TYR: variants seen among roughly 807,000 people sequenced by gnomAD.
The protein encoded by TYR is LB24-AB.
A neutral mutation model predicts 51.5 loss-of-function variants in TYR; 58 were observed. That is an observed-to-expected ratio of 1.13 (90% CI 0.91 to 1.40). The LOEUF (loss-of-function observed/expected upper bound fraction) is 1.40, where lower values mean the gene tolerates loss of function less well. Among genes scored for constraint, TYR ranks in the 40% most tolerant of loss-of-function variants. The probability of loss-of-function intolerance (pLI) is 0.00; values close to 1 mark genes in which losing one functional copy is unlikely to be tolerated. For synonymous variants in TYR, 263 were observed against 235.2 expected (o/e 1.12, Z -1.08); for missense variants, 732 against 647.4 (o/e 1.13, Z -1.42).
At position 89,280,295 on chromosome 11, in the gene TYR, A is replaced by G. The variant is rs189523979; in HGVS notation, c.1185-4478A>G. On this transcript the variant is annotated intron_variant, in intron 3 of 4. Coordinates refer to ENST00000263321, the MANE Select transcript of TYR (RefSeq NM_000372.5). ...TCTTCTTCTGGCATTCCAATTATGC[A>G]TATGTTACATTTTTTGGAAATTATC... Among the ~76,000 whole-genome samples the G allele has an allele frequency of 4.3e-3, 646 of 151,680 alleles. 4 individuals are homozygous for G. The highest frequency in any genetic ancestry group is 5.7e-3 in the Admixed American group (86 of 15,188).
chr11:89,268,909 T>C (rs74413656), intron 3 of TYR, among the ~76,000 whole-genome samples: 3,171 of 152,024 alleles, frequency 0.021, 135 homozygotes, highest in African/African-American at 0.073. Flanking sequence ...GTGATACCTT[T>C]CCCATAATTT....
intron 3 of TYR, among the ~76,000 whole-genome samples, chr11:89,270,573 T>G (rs994481344): frequency 1.7e-4 from 26 of 151,900 alleles, no homozygotes; most frequent in African/African-American, 5.6e-4. Context: ...AATGGTACAA[T>G]CTACCAAGAT....
At chr11:89,204,776 A>G (rs1943649831) in intron 2 of TYR, among the ~76,000 whole-genome samples, 1 of 152,090 alleles carries the variant, frequency 6.6e-6, no homozygotes, top group African/African-American at 2.4e-5. Flanking sequence ...CCAGGTTGAA[A>G]ACAGAAAATA....
intron 3 of TYR, among the ~76,000 whole-genome samples, chr11:89,235,649 G>A (rs562443619): frequency 2.0e-4 from 30 of 152,168 alleles, no homozygotes; most frequent in African/African-American, 6.0e-4. Flanking sequence ...AAATAGAATC[G>A]TAGTATCACA....
intron 1 of TYR, among the ~76,000 whole-genome samples, chr11:89,181,808 A>C (rs1464994400): frequency 2.0e-5 from 3 of 152,172 alleles, no homozygotes; most frequent in Non-Finnish European, 4.4e-5. Flanking sequence ...CTCTGACTGC[A>C]GTGCTTTTTA....
chr11:89,247,258 C>T (rs1437548885), intron 3 of TYR, among the ~76,000 whole-genome samples: 3 of 152,102 alleles, frequency 2.0e-5, no homozygotes, highest in Non-Finnish European at 4.4e-5. Flanking sequence ...ATCTATGTAT[C>T]GATCATTTTT....
In TYR at chr11:89,248,887, C is replaced by G. The variant is rs964990501; in HGVS notation, c.1184+20917C>G. Reference sequence around the variant, plus strand: ...TTATGTATTTCAGAGGTAAAACCAACAGGGCTTGTTAATGGACTATGTGAT... The same window carrying G: ...TTATGTATTTCAGAGGTAAAACCAAGAGGGCTTGTTAATGGACTATGTGAT... On this transcript the variant is annotated intron_variant, in intron 3 of 4. Transcript: ENST00000263321. Among the ~76,000 whole-genome samples, 2 of 151,942 alleles carry G rather than the reference C, an allele frequency of 1.3e-5. 1 individual carries two copies. The highest frequency in any genetic ancestry group is 1.3e-4 in the Admixed American group (2 of 15,250).
chr11:89,186,960 GC>G (rs1416999783), intron 1 of TYR, among the ~76,000 whole-genome samples: 2 of 152,124 alleles, frequency 1.3e-5, no homozygotes, highest in African/African-American at 4.8e-5. Context: ...CATAAGAGAG[GC>G]CTCAGCAGAT....
At chr11:89,225,181 T>C (rs1307373222) in intron 2 of TYR, among the ~76,000 whole-genome samples, 1 of 151,952 alleles carries the variant, frequency 6.6e-6, no homozygotes, top group Non-Finnish European at 1.5e-5. Context: ...TATATATTTA[T>C]GGTGCATCAC....
At chr11:89,205,434 C>T (rs1376501351) in intron 2 of TYR, among the ~76,000 whole-genome samples, 5 of 152,072 alleles carry the variant, frequency 3.3e-5, no homozygotes, top group African/African-American at 9.7e-5. Flanking sequence ...AATCCCATAG[C>T]AATCCACATC....
rs953114569 is a variant in TYR at position 89,284,691 on chromosome 11, G to A, written c.1185-82G>A. On this transcript the variant is annotated intron_variant, in intron 3 of 4. Coordinates refer to ENST00000263321, the MANE Select transcript of TYR (RefSeq NM_000372.5). The stretch of plus-strand genomic sequence containing the variant: ...TCCATGTCTCCAGATTTTAATATAT[G>A]CCTTATTTTACTTTAAAAATTTTCA... 3 of 1,233,780 alleles carry A rather than the reference G, an allele frequency of 2.4e-6. No individual in the cohort carries two copies. The African/African-American group carries it at 4.5e-5, about 18-fold the overall frequency. The allele number at this position is 1,233,780 out of a possible 1,614,324, so 76.4% of individuals were successfully genotyped here. A position where few individuals can be genotyped will look rare whatever the true frequency, so the allele number is the denominator to read the frequency against.
At chr11:89,243,872 T>C (rs546968216) in intron 3 of TYR, among the ~76,000 whole-genome samples, 1 of 152,224 alleles carries the variant, frequency 6.6e-6, no homozygotes, top group East Asian at 1.9e-4. Flanking sequence ...TTATTTATTA[T>C]TAAATAAGGA....
At chr11:89,212,982 T>C (rs140871921) in intron 2 of TYR, among the ~76,000 whole-genome samples, 3,845 of 152,168 alleles carry the variant, frequency 0.025, 174 homozygotes, top group African/African-American at 0.089. Context: ...CAGCCAATAT[T>C]ATACTGAATG....
chr11:89,236,527 T>G (rs1246515805), intron 3 of TYR, among the ~76,000 whole-genome samples: 2 of 152,126 alleles, frequency 1.3e-5, no homozygotes, highest in Non-Finnish European at 2.9e-5. Context: ...TTCTGAGCCT[T>G]TGTAACAAAG....
At chr11:89,292,382 A>G (rs1181195732) in intron 4 of TYR, among the ~76,000 whole-genome samples, 1 of 152,090 alleles carries the variant, frequency 6.6e-6, no homozygotes, top group Non-Finnish European at 1.5e-5. Flanking sequence ...CATATAATAG[A>G]TAACTGGAAT....
At chr11:89,186,233 A>G (rs534392829) in intron 1 of TYR, among the ~76,000 whole-genome samples, 1 of 152,308 alleles carries the variant, frequency 6.6e-6, no homozygotes, top group African/African-American at 2.4e-5. Context: ...AGAATTGCCA[A>G]TATAAAAGCA....
intron 2 of TYR, among the ~76,000 whole-genome samples, chr11:89,202,044 G>C (rs372564931): frequency 3.9e-5 from 6 of 151,958 alleles, no homozygotes; most frequent in Non-Finnish European, 7.4e-5. Flanking sequence ...GGAAGTGGGG[G>C]TGTTTATGAC....
chr11:89,282,578 A>G (rs541684505), intron 3 of TYR, among the ~76,000 whole-genome samples: 1 of 151,876 alleles, frequency 6.6e-6, no homozygotes, highest in South Asian at 2.1e-4. Context: ...CATAACAAAC[A>G]AGTACTGCTT....
intron 3 of TYR, among the ~76,000 whole-genome samples, chr11:89,264,111 T>C (rs1590887256): frequency 2.0e-5 from 3 of 152,164 alleles, no homozygotes; most frequent in African/African-American, 7.2e-5. Context: ...TTTTTCATAA[T>C]TGTTACTAGT....
Sources: allele counts gnomAD v4.1 joint callset (sites outside exome capture counted in the v4.1 genomes callset), GRCh38; gene constraint gnomAD v4.1.1; transcripts MANE v1.5; gene names NCBI Gene and HGNC (gene_info 2026-07-23, HGNC 2026-07-21).